RUNX2: variants seen among roughly 807,000 people sequenced by gnomAD.
RUNX2 encodes RUNX family transcription factor 2.
In RUNX2, 10 loss-of-function variants were observed where a neutral mutation model predicts 51.7. The ratio of observed to expected loss-of-function variants is 0.19; its 90% confidence interval spans 0.12 to 0.33. The LOEUF (loss-of-function observed/expected upper bound fraction) is 0.33. Among genes scored for constraint, RUNX2 ranks in the 10% least tolerant of loss-of-function variants. RUNX2 has a pLI of 1.00. For missense variants in RUNX2, 562 were observed against 691.3 expected, an observed-to-expected ratio of 0.81 and a Z score of 2.10; for synonymous variants, 276 against 273.6, an observed-to-expected ratio of 1.01 and a Z score of -0.09.
intron 7 of RUNX2, among the ~76,000 whole-genome samples, chr6:45,541,992 G>A (rs1447298484): frequency 1.3e-5 from 2 of 152,036 alleles, no homozygotes; most frequent in African/African-American, 4.8e-5. Flanking sequence ...ATGAAGTTCT[G>A]AAGGGGAGGC....
intron 2 of RUNX2, among the ~76,000 whole-genome samples, chr6:45,369,310 C>T (rs1188053953): frequency 1.3e-5 from 2 of 152,086 alleles, no homozygotes; most frequent in Non-Finnish European, 2.9e-5. Context: ...ATCTCTCAAC[C>T]TACCCAAACT....
At chr6:45,539,815 G>A (rs1802161037) in intron 7 of RUNX2, among the ~76,000 whole-genome samples, 2 of 152,202 alleles carry the variant, frequency 1.3e-5, no homozygotes, top group African/African-American at 4.8e-5. Context: ...AGAAGAATAT[G>A]TGGTTCTTCC....
At chr6:45,476,435 T>C (rs1799958299) in intron 5 of RUNX2, among the ~76,000 whole-genome samples, 1 of 152,184 alleles carries the variant, frequency 6.6e-6, no homozygotes, top group African/African-American at 2.4e-5. Context: ...CCCTCATCTT[T>C]GATGCTGACT....
At chr6:45,496,007 A>G (rs1800633228) in intron 6 of RUNX2, among the ~76,000 whole-genome samples, 1 of 152,166 alleles carries the variant, frequency 6.6e-6, no homozygotes, top group South Asian at 2.1e-4. Context: ...GCCTCCCCAC[A>G]GCTTCCTGGG....
intron 2 of RUNX2, among the ~76,000 whole-genome samples, chr6:45,368,001 T>C (rs1020932988): frequency 6.6e-6 from 1 of 152,178 alleles, no homozygotes; most frequent in Non-Finnish European, 1.5e-5. Flanking sequence ...AGTCCTATCA[T>C]TCCAATGCTC....
intron 2 of RUNX2, among the ~76,000 whole-genome samples, chr6:45,370,831 C>G (rs1375799358): frequency 6.6e-6 from 1 of 152,126 alleles, no homozygotes. Context: ...ACAGGAGTTT[C>G]TAGCATATCC....
At chr6:45,367,971 T>C (rs1795434742) in intron 2 of RUNX2, among the ~76,000 whole-genome samples, 1 of 152,188 alleles carries the variant, frequency 6.6e-6, no homozygotes, top group Non-Finnish European at 1.5e-5. Context: ...TCTTTTGACA[T>C]TAACTTCTTT....
chr6:45,344,660 G>A (rs1418415995), intron 2 of RUNX2, among the ~76,000 whole-genome samples: 1 of 152,090 alleles, frequency 6.6e-6, no homozygotes, highest in Non-Finnish European at 1.5e-5. Context: ...TCAAAAGCAT[G>A]TTAACTTTTT....
At chr6:45,329,571 C>T (rs1421603346) in intron 2 of RUNX2, among the ~76,000 whole-genome samples, 1 of 151,886 alleles carries the variant, frequency 6.6e-6, no homozygotes, top group Non-Finnish European at 1.5e-5. Context: ...AACACTGAAA[C>T]GTCTAAGATT....
At chr6:45,444,714 G>A (rs1798942359) in intron 5 of RUNX2, among the ~76,000 whole-genome samples, 1 of 152,128 alleles carries the variant, frequency 6.6e-6, no homozygotes, top group Admixed American at 6.5e-5. Context: ...TATTTTTGAG[G>A]CATGTCCAAT....
At chr6:45,425,358 C>A (rs914118674) in intron 3 of RUNX2, among the ~76,000 whole-genome samples, 9 of 152,142 alleles carry the variant, frequency 5.9e-5, no homozygotes, top group African/African-American at 2.2e-4. Context: ...TTCACTACCA[C>A]CCTTTAAAAA....
Position 45,484,267 on chromosome 6 carries a change from G to A in RUNX2, c.686-7674G>A, listed in dbSNP as rs116482623. Among the ~76,000 whole-genome samples the A allele has an allele frequency of 6.2e-3, 941 of 152,220 alleles. 8 individuals carry two copies. Among genetic ancestry groups the A allele is most frequent in the African/African-American group, 0.021 (879 of 41,520 alleles). Reference sequence around the variant, plus strand: ...AGTGGATGATGGGGGTCTAGGAAAGGAGGTGACAAAGATATGCCTAAGCTG... The same window carrying A: ...AGTGGATGATGGGGGTCTAGGAAAGAAGGTGACAAAGATATGCCTAAGCTG... On this transcript the variant is annotated intron_variant, in intron 5 of 8. Transcript: ENST00000647337.
At chr6:45,451,326 C>G (rs1476580867) in intron 5 of RUNX2, among the ~76,000 whole-genome samples, 1 of 152,092 alleles carries the variant, frequency 6.6e-6, no homozygotes, top group Non-Finnish European at 1.5e-5. Context: ...TGGGCTTGTA[C>G]TAAAAATAAC....
chr6:45,423,508 C>T (rs1330908459), intron 3 of RUNX2, among the ~76,000 whole-genome samples: 3 of 152,190 alleles, frequency 2.0e-5, no homozygotes, highest in Admixed American at 2.0e-4. Context: ...TCTCGGCGTC[C>T]CCTTCCCCGA....
At chr6:45,380,016 A>C (rs564698468) in intron 2 of RUNX2, among the ~76,000 whole-genome samples, 1 of 152,250 alleles carries the variant, frequency 6.6e-6, no homozygotes, top group African/African-American at 2.4e-5. Flanking sequence ...TTTTAAAGTC[A>C]CATGAGTTAA....
chr6:45,383,808 A>G (rs1797291971), intron 2 of RUNX2, among the ~76,000 whole-genome samples: 1 of 151,606 alleles, frequency 6.6e-6, no homozygotes, highest in Non-Finnish European at 1.5e-5. Flanking sequence ...ATTTGGTGTC[A>G]TATAAAATAA....
rs537257252 is a variant in RUNX2 at position 45,491,808 on chromosome 6, A to G, written c.686-133A>G. ...ATTTGAAATGGAAGGCATTATGTAG[A>G]CAAGTCATTATAAATATTAATATTG... On this transcript the variant is annotated intron_variant, in intron 5 of 8. Transcript: ENST00000647337. The G allele has an allele frequency of 1.6e-4, 152 of 938,478 alleles. 1 individual carries two copies. The East Asian group carries it at 3.8e-3, about 23-fold the overall frequency. 58.1% of individuals were successfully genotyped at this position (938,478 alleles called of 1,614,324 possible).
intron 7 of RUNX2, among the ~76,000 whole-genome samples, chr6:45,519,222 T>C (rs139567031): frequency 9.2e-5 from 14 of 152,344 alleles, no homozygotes; most frequent in African/African-American, 3.4e-4. Flanking sequence ...GTATATGTCT[T>C]AAAATTAATA....
Position 45,404,289 on chromosome 6 carries a change from A to G in RUNX2, c.59-18304A>G, listed in dbSNP as rs867156612. ...AAAAAAAAAAAGAAAAAGAAAAAAG[A>G]AAAAAAAAAGGAAAAAAAAGAAAAA... is the stretch of plus-strand genomic sequence containing the variant. On this transcript the variant is annotated intron_variant, in intron 2 of 8. Transcript: ENST00000647337. Among the ~76,000 whole-genome samples the G allele has an allele frequency of 2.5e-5, 3 of 118,500 alleles. 1 individual carries two copies. In the South Asian group the frequency reaches 9.9e-4, roughly 39 times the overall value. The allele number at this position is 118,500 out of a possible 152,430, so 77.7% of individuals were successfully genotyped here.
Sources: gnomAD v4.1 joint callset for allele counts (sites outside exome capture counted in the v4.1 genomes callset) on GRCh38, gnomAD v4.1.1 for gene constraint, MANE v1.5 for transcripts, NCBI Gene and HGNC (gene_info 2026-07-23, HGNC 2026-07-21) for gene names.